Variants in GRIP1 observed in about 807,000 individuals in gnomAD.
GRIP1 encodes glutamate receptor-interacting protein 1.
GRIP1 carries 45 observed loss-of-function variants against 129.9 expected under a neutral mutation model. That is an observed-to-expected ratio of 0.35 (90% CI 0.27 to 0.44). GRIP1 has a LOEUF of 0.44. Among genes scored for constraint, GRIP1 ranks in the 20% least tolerant of loss-of-function variants. The probability of loss-of-function intolerance (pLI) is 1.00; values close to 1 mark genes in which losing one functional copy is unlikely to be tolerated. For missense variants in GRIP1, 1,196 were observed against 1,396.8 expected, an observed-to-expected ratio of 0.86 and a Z score of 2.29; for synonymous variants, 530 against 520.8, an observed-to-expected ratio of 1.02 and a Z score of -0.24.
intron 1 of GRIP1, among the ~76,000 whole-genome samples, chr12:67,058,711 T>C (rs1164966088): frequency 6.6e-6 from 1 of 152,238 alleles, no homozygotes; most frequent in Non-Finnish European, 1.5e-5. Flanking sequence ...ATCTCTAAGC[T>C]GTTTAACCAT....
At chr12:66,424,242 A>G (rs1414755872) in intron 14 of GRIP1, among the ~76,000 whole-genome samples, 1 of 152,194 alleles carries the variant, frequency 6.6e-6, no homozygotes, top group East Asian at 1.9e-4. Flanking sequence ...AAGATTTTTC[A>G]TGCTGCCTAT....
chr12:66,733,366 T>C (rs2036498637), intron 1 of GRIP1, among the ~76,000 whole-genome samples: 1 of 152,216 alleles, frequency 6.6e-6, no homozygotes, highest in South Asian at 2.1e-4. Context: ...ATTTTCTACA[T>C]GACTAAGTCA....
chr12:66,473,433 T>C (rs938992720), intron 7 of GRIP1, among the ~76,000 whole-genome samples: 5 of 152,212 alleles, frequency 3.3e-5, no homozygotes, highest in Admixed American at 3.3e-4. Context: ...GCCTGCTGGC[T>C]CTGAAGAGAG....
chr12:66,969,194 G>C (rs890551512), intron 1 of GRIP1, among the ~76,000 whole-genome samples: 1 of 152,042 alleles, frequency 6.6e-6, no homozygotes, highest in African/African-American at 2.4e-5. Context: ...TATAGACTTT[G>C]TGGAATTTAT....
At chr12:66,706,272 A>C (rs140793759) in intron 1 of GRIP1, among the ~76,000 whole-genome samples, 491 of 152,334 alleles carry the variant, frequency 3.2e-3, no homozygotes, top group African/African-American at 0.011. Context: ...AAAAGAAGAC[A>C]TTTACATGGC....
At chr12:66,404,798 G>A (rs963040301) in intron 16 of GRIP1, among the ~76,000 whole-genome samples, 4 of 152,104 alleles carry the variant, frequency 2.6e-5, no homozygotes, top group Non-Finnish European at 4.4e-5. Context: ...TTGGGAGGCC[G>A]AGGTGGGCAG....
chr12:66,579,550 A>G lies in GRIP1; in HGVS notation c.136+17297T>C, dbSNP rs181746566. On this transcript the variant is annotated intron_variant, in intron 2 of 24. Coordinates refer to ENST00000359742, the MANE Select transcript of GRIP1 (RefSeq NM_001366722.1). ...TGTATAACTAGAATAACCAATACAG[A>G]GAAGTGCTTAAAGGAGCTGATGAAG... Among the ~76,000 whole-genome samples, 572 of 152,342 alleles carry G rather than the reference A, an allele frequency of 3.8e-3. 1 individual carries two copies. Among genetic ancestry groups the G allele is most frequent in the Non-Finnish European group, 6.1e-3 (414 of 68,032 alleles).
intron 15 of GRIP1, among the ~76,000 whole-genome samples, chr12:66,410,175 G>A (rs1190300622): frequency 4.8e-4 from 66 of 137,238 alleles, no homozygotes; most frequent in Non-Finnish European, 6.2e-4. Flanking sequence ...GCGTGAACCC[G>A]GGAGGCGGAG....
chr12:66,618,994 T>C (rs1473329027), intron 1 of GRIP1, among the ~76,000 whole-genome samples: 1 of 152,180 alleles, frequency 6.6e-6, no homozygotes, highest in Non-Finnish European at 1.5e-5. Context: ...CAGGCAGATA[T>C]GAACCGAAGC....
At chr12:66,461,088 A>T (rs1484713330) in intron 9 of GRIP1, among the ~76,000 whole-genome samples, 1 of 152,216 alleles carries the variant, frequency 6.6e-6, no homozygotes, top group Non-Finnish European at 1.5e-5. Context: ...GTTTTCCACA[A>T]TAAAGGCAAA....
chr12:66,454,414 AT>A (rs1156290749), intron 11 of GRIP1, among the ~76,000 whole-genome samples: 1 of 152,324 alleles, frequency 6.6e-6, no homozygotes, highest in East Asian at 1.9e-4. Context: ...AATCATAATC[AT>A]GGCCATCAAA....
chr12:66,838,117 C>T (rs948243990), intron 1 of GRIP1, among the ~76,000 whole-genome samples: 2 of 149,902 alleles, frequency 1.3e-5, no homozygotes, highest in African/African-American at 4.9e-5. Context: ...ACCCGGAAGG[C>T]AGGGTTGCAG....
rs554915503 is a variant in GRIP1, at chr12:66,685,351, GTACTT to G, written c.-419-55020_-419-55016del. Among the ~76,000 whole-genome samples the G allele has an allele frequency of 2.0e-3, 305 of 151,990 alleles. 3 individuals carry two copies. Among genetic ancestry groups the G allele is most frequent in the African/African-American group, 6.5e-3 (270 of 41,446 alleles). On this transcript the variant is annotated intron_variant, in intron 1 of 4. Transcript: ENST00000538373. Reference sequence around the variant, plus strand: ...TTTTTTTTAAGGGCTAAATTAATAAGTACTTTAATATAAATAATCTCATGGATTTA... The same window carrying G: ...TTTTTTTTAAGGGCTAAATTAATAAGTAATATAAATAATCTCATGGATTTA...
intron 1 of GRIP1, among the ~76,000 whole-genome samples, chr12:67,015,411 C>T (rs774398): frequency 0.57 from 86,469 of 152,006 alleles, 25,778 homozygotes; most frequent in African/African-American, 0.75. Flanking sequence ...TGACTCTGAG[C>T]AGAATAAAAC....
chr12:66,542,613 G>T (rs376732881), intron 2 of GRIP1, among the ~76,000 whole-genome samples: 2 of 152,162 alleles, frequency 1.3e-5, no homozygotes, highest in Non-Finnish European at 2.9e-5. Context: ...AAATTTCACA[G>T]ATCTTGTGGG....
At chr12:66,670,423 C>T (rs1407814032) in intron 1 of GRIP1, among the ~76,000 whole-genome samples, 1 of 152,108 alleles carries the variant, frequency 6.6e-6, no homozygotes, top group South Asian at 2.1e-4. Context: ...GAAGACTTAA[C>T]AAAATGATCC....
At chr12:66,781,063 GGA>G (rs1173898800) in intron 1 of GRIP1, among the ~76,000 whole-genome samples, 4 of 152,102 alleles carry the variant, frequency 2.6e-5, no homozygotes, top group Non-Finnish European at 5.9e-5. Context: ...GAGTTCTAGG[GGA>G]GTTTGTTACC....
intron 7 of GRIP1, among the ~76,000 whole-genome samples, chr12:66,468,144 G>A (rs1310086156): frequency 6.6e-6 from 1 of 152,140 alleles, no homozygotes; most frequent in Non-Finnish European, 1.5e-5. Flanking sequence ...GTAGCCATAG[G>A]ACCAGGTTCC....
At chr12:66,368,921 G>A (rs555725978) in intron 23 of GRIP1, among the ~76,000 whole-genome samples, 1 of 152,298 alleles carries the variant, frequency 6.6e-6, no homozygotes, top group African/African-American at 2.4e-5. Flanking sequence ...GTCTATCAGA[G>A]TAAGTGAATT....
Sources: allele counts gnomAD v4.1 joint callset (sites outside exome capture counted in the v4.1 genomes callset), GRCh38; gene constraint gnomAD v4.1.1; transcripts MANE v1.5; gene names NCBI Gene and HGNC (gene_info 2026-07-23, HGNC 2026-07-21).